Variants in SWI5 observed in about 807,000 individuals in gnomAD.
The protein encoded by SWI5 is SWI5 homologous recombination repair protein, also known as DNA repair protein SWI5 homolog.
A neutral mutation model predicts 17.0 loss-of-function variants in SWI5; 12 were observed. That is an observed-to-expected ratio of 0.71 (90% CI 0.45 to 1.14). The LOEUF (loss-of-function observed/expected upper bound fraction) is 1.14. SWI5 is among the 50% of genes most tolerant of loss of function. SWI5 has a pLI of 0.00. For synonymous variants in SWI5, 61 were observed against 64.0 expected (o/e 0.95, Z 0.22); for missense variants, 158 against 162.2 (o/e 0.97, Z 0.14).
At chr9:128,287,553 A>G (rs1202619077) in intron 4 of SWI5, among the ~76,000 whole-genome samples, 2 of 142,556 alleles carry the variant, frequency 1.4e-5, no homozygotes, top group Non-Finnish European at 3.0e-5. Flanking sequence ...CCAGTGGCCT[A>G]TCCCTTTTTT....
chr9:128,279,292 A>C (rs1831494483), intron 2 of SWI5, among the ~76,000 whole-genome samples: 1 of 152,206 alleles, frequency 6.6e-6, no homozygotes. Flanking sequence ...TAAGAAATAA[A>C]GACACAAGAC....
intron 2 of SWI5, chr9:128,278,546 A>G (rs576320088): frequency 9.0e-6 from 4 of 443,890 alleles, no homozygotes; most frequent in East Asian, 7.2e-5. Context: ...CCTGGGCAAC[A>G]GAGCGAAACT....
Position 128,285,220 on chromosome 9 carries a change from A to C in SWI5, c.233+589A>C, listed in dbSNP as rs774772722. 5.8e-4 allele frequency among the ~76,000 whole-genome samples: 87 copies of C among 149,898 alleles called. No homozygotes were observed. Among genetic ancestry groups the C allele is most frequent in the Non-Finnish European group, 1.0e-3 (69 of 67,508 alleles). On this transcript the variant is annotated intron_variant, in intron 3 of 4. Transcript: ENST00000418976. The surrounding 1 kb of genome is among the most constrained non-coding windows in gnomAD (Gnocchi z 4.8). ...AGAGGAGAGGAAAGAAAAAGGAAGGAAGGAAAGAAAGGAAGGGAAAGAAGG... is the reference window on the plus strand; with the variant it reads ...AGAGGAGAGGAAAGAAAAAGGAAGGCAGGAAAGAAAGGAAGGGAAAGAAGG...
intron 1 of SWI5, 141 bp downstream of exon 1, chr9:128,276,543 G>A: frequency 6.4e-7 from 1 of 1,573,050 alleles, no homozygotes. Flanking sequence ...CCTTCCTAGA[G>A]GGTCTCTACC....
chr9:128,276,155 C>G, upstream of SWI5: 1 of 1,568,338 alleles, frequency 6.4e-7, no homozygotes. Context: ...TATGCAGCGG[C>G]GTGGCCAGAG....
At chr9:128,275,754 A>C, upstream of SWI5, 1 of 589,014 alleles carries the variant, frequency 1.7e-6, no homozygotes, top group Non-Finnish European at 2.9e-6. Flanking sequence ...GGCTGACAAG[A>C]CTTTGGTGGA....
chr9:128,284,721 T>A, intron 3 of SWI5, 90 bp downstream of exon 3: 1 of 1,456,204 alleles, frequency 6.9e-7, no homozygotes, highest in Admixed American at 2.1e-5. Context: ...TTTGGGAGGC[T>A]GAGGTGGGTG....
At chr9:128,280,799 G>A (rs914328270) in intron 2 of SWI5, among the ~76,000 whole-genome samples, 3 of 152,110 alleles carry the variant, frequency 2.0e-5, no homozygotes, top group South Asian at 2.1e-4. Flanking sequence ...TTACAGGCGT[G>A]AGCCACCGTG....
intron 2 of SWI5, among the ~76,000 whole-genome samples, chr9:128,278,291 C>T (rs746497697): frequency 7.9e-5 from 12 of 151,972 alleles, no homozygotes; most frequent in African/African-American, 9.6e-5. Flanking sequence ...ACGCTCGACC[C>T]GGCACAGTGA....
rs1042863424 is a variant in SWI5, at chr9:128,285,181, C to T, written c.233+550C>T. On this transcript the variant is annotated intron_variant, in intron 3 of 4. Coordinates refer to ENST00000418976, the Ensembl canonical transcript of SWI5. The surrounding 1 kb of genome is among the most constrained non-coding windows in gnomAD (Gnocchi z 4.8). The stretch of plus-strand genomic sequence containing the variant: ...ACTTGGTAAAGAAAGAGAAAGAGGG[C>T]GAGAGGGAGAGAGAGAGGAGAGGAA... 1.5e-5 allele frequency among the ~76,000 whole-genome samples: 2 copies of T among 132,778 alleles called. No individual in the cohort carries two copies. Among genetic ancestry groups the T allele is most frequent in the East Asian group, 2.1e-4 (1 of 4,714 alleles). The allele number at this position is 132,778 out of a possible 152,430, so 87.1% of individuals were successfully genotyped here. A position where few individuals can be genotyped will look rare whatever the true frequency, so the allele number is the denominator to read the frequency against.
chr9:128,279,484 C>G, intron 2 of SWI5, among the ~76,000 whole-genome samples: 1 of 152,160 alleles, frequency 6.6e-6, no homozygotes, highest in Middle Eastern at 3.2e-3. Context: ...TGATCGTGGG[C>G]CAGTGGGCCC....
exon 2 of SWI5, chr9:128,276,709 C>T: frequency 6.2e-7 from 1 of 1,614,018 alleles, no homozygotes; most frequent in East Asian, 2.2e-5. Context: ...CTCTCTAGGA[C>T]TGAACCAAGA....
chr9:128,287,452 CAA>C (rs1331481026), intron 4 of SWI5, among the ~76,000 whole-genome samples: 11 of 105,590 alleles, frequency 1.0e-4, no homozygotes, highest in Admixed American at 2.1e-4. Flanking sequence ...GACTCCATCT[CAA>C]AAAAAAAAAA....
At position 128,281,937 on chromosome 9, in the gene SWI5, G is replaced by A. The variant is rs180671632; in HGVS notation, c.112-2573G>A. Among the ~76,000 whole-genome samples, 811 of 152,276 alleles carry A rather than the reference G, an allele frequency of 5.3e-3. 7 individuals carry two copies. The highest frequency in any genetic ancestry group is 8.1e-3 in the Non-Finnish European group (551 of 68,026). The stretch of plus-strand genomic sequence containing the variant: ...AAAATAAAATTTTTCAAAAAAATTC[G>A]CTGAGTGTGATGGCACATGCCTGTT... On this transcript the variant is annotated intron_variant, in intron 2 of 4. Transcript: ENST00000418976.
At chr9:128,281,980 A>G (rs1204540885) in intron 2 of SWI5, among the ~76,000 whole-genome samples, 3 of 152,210 alleles carry the variant, frequency 2.0e-5, no homozygotes, top group Admixed American at 2.0e-4. Context: ...TCAGGAGGCT[A>G]GAGTGGGAGG....
intron 2 of SWI5, among the ~76,000 whole-genome samples, chr9:128,281,184 C>T (rs879715378): frequency 5.9e-5 from 9 of 151,848 alleles, no homozygotes; most frequent in Non-Finnish European, 8.8e-5. Flanking sequence ...ACTACAGGTG[C>T]GCACCACCAT....
chr9:128,283,849 A>G (rs1831585183), intron 2 of SWI5, among the ~76,000 whole-genome samples: 1 of 152,106 alleles, frequency 6.6e-6, no homozygotes, highest in African/African-American at 2.4e-5. Context: ...ATTGGCTGGG[A>G]ACAGTGGCTC....
At chr9:128,282,244 G>A (rs1055740041) in intron 2 of SWI5, among the ~76,000 whole-genome samples, 9 of 152,068 alleles carry the variant, frequency 5.9e-5, no homozygotes, top group East Asian at 1.9e-4. Flanking sequence ...AAAATTAGCC[G>A]AGTGTGGTGA....
intron 2 of SWI5, among the ~76,000 whole-genome samples, chr9:128,278,164 A>G (rs1831468820): frequency 6.6e-6 from 1 of 152,000 alleles, no homozygotes; most frequent in African/African-American, 2.4e-5. Flanking sequence ...CATGTTGCCC[A>G]GGCTGGTCTC....
Sources: allele counts gnomAD v4.1 joint callset (sites outside exome capture counted in the v4.1 genomes callset), GRCh38; gene constraint gnomAD v4.1.1; non-coding constraint Gnocchi (gnomAD v3.1); transcripts MANE v1.5; gene names NCBI Gene and HGNC (gene_info 2026-07-23, HGNC 2026-07-21).